MATN4: variants seen among roughly 807,000 people sequenced by gnomAD.
MATN4 encodes the protein matrilin 4, also known as matrilin-4.
In MATN4, 40 loss-of-function variants were observed where a neutral mutation model predicts 54.6. The observed-to-expected ratio is 0.73, with a 90% CI of 0.57 to 0.95. The LOEUF is 0.95. Ranked by LOEUF, MATN4 falls within the 40% of genes least tolerant of loss-of-function variation. The pLI is 0.00. For synonymous variants in MATN4, 351 were observed against 345.3 expected, an observed-to-expected ratio of 1.02 and a Z score of -0.18; for missense variants, 810 against 819.1, an observed-to-expected ratio of 0.99 and a Z score of 0.13.
chr20:45,295,626 A>G (rs1985765032), intron 8 of MATN4, among the ~76,000 whole-genome samples: 1 of 152,000 alleles, frequency 6.6e-6, no homozygotes, highest in African/African-American at 2.4e-5. Context: ...TGACCTTGTG[A>G]TCTGCCCACC....
chr20:45,301,732 C>T (rs1218639887), intron 3 of MATN4, among the ~76,000 whole-genome samples: 7 of 152,030 alleles, frequency 4.6e-5, no homozygotes, highest in African/African-American at 1.7e-4. Flanking sequence ...GAACTATTGC[C>T]CTGTTGAGCA....
intron 6 of MATN4, among the ~76,000 whole-genome samples, chr20:45,299,980 GGT>G (rs55652446): frequency 0.33 from 37,443 of 114,504 alleles, 4,842 homozygotes; most frequent in Admixed American, 0.4. Flanking sequence ...TGTGTGTAGG[GGT>G]GTGTGTGTGT....
rs148268361 is a variant in MATN4, at chr20:45,298,784, G to A, written c.1013-201C>T. On this transcript the variant is annotated intron_variant, in intron 6 of 9. Transcript: ENST00000372756. This position sits in a 1 kb window ranked among gnomAD's most constrained non-coding sequence, Gnocchi z 4.6. ...CACCATCATCATCACCCTCATCATC[G>A]CCCTTGACATTTATTCAGTGCTTAG... Among the ~76,000 whole-genome samples, 1,735 of 151,900 alleles carry A rather than the reference G, an allele frequency of 0.011. 26 individuals carry two copies. Among genetic ancestry groups the A allele is most frequent in the African/African-American group, 0.036 (1,474 of 41,376 alleles).
chr20:45,297,609 T>G (rs1350093590), intron 8 of MATN4, among the ~76,000 whole-genome samples: 1 of 152,168 alleles, frequency 6.6e-6, no homozygotes, highest in Non-Finnish European at 1.5e-5. Context: ...CTCCACTGAT[T>G]TGGGGGACAG....
chr20:45,305,600 A>G lies in MATN4; in HGVS notation c.-18T>C. 3.9e-6 allele frequency: 6 copies of G among 1,544,732 alleles called. No homozygotes were observed. Among genetic ancestry groups the G allele is most frequent in the Non-Finnish European group, 5.3e-6 (6 of 1,139,786 alleles). Reference sequence around the variant, plus strand: ...CCTCTCATGGCGCTTGGGGACAGAGAATGGAGGTGTCAGAGCCTGGAGGGA... The same window carrying G: ...CCTCTCATGGCGCTTGGGGACAGAGGATGGAGGTGTCAGAGCCTGGAGGGA... On this transcript the variant is annotated 5_prime_UTR_variant, in exon 2 of 10. Transcript: ENST00000372756.
At chr20:45,303,097 A>AAAAG (rs1207171220) in intron 3 of MATN4, among the ~76,000 whole-genome samples, 1,917 of 147,540 alleles carry the variant, frequency 0.013, 42 homozygotes, top group Middle Eastern at 0.038. Context: ...AAAAAAAAAA[A>AAAAG]AAAAAAAGAG....
intron 6 of MATN4, among the ~76,000 whole-genome samples, chr20:45,299,597 G>A (rs1986082770): frequency 6.6e-6 from 1 of 152,118 alleles, no homozygotes; most frequent in African/African-American, 2.4e-5. Context: ...GTCCTTGTAA[G>A]AGTCTGAAGA....
chr20:45,305,760 A>T lies in MATN4; in HGVS notation c.-34-144T>A, dbSNP rs558603960. The T allele has an allele frequency of 1.9e-4, 71 of 379,356 alleles. 1 individual carries two copies. The highest frequency in any genetic ancestry group is 1.4e-3 in the African/African-American group (63 of 46,420). The allele number at this position is 379,356 out of a possible 1,614,324, so 23.5% of individuals were successfully genotyped here. A position where few individuals can be genotyped will look rare whatever the true frequency, so the allele number is the denominator to read the frequency against. On this transcript the variant is annotated intron_variant, in intron 1 of 9. Transcript: ENST00000372756. The stretch of plus-strand genomic sequence containing the variant: ...TGTATGTTTGAAATGTTTCAGAATT[A>T]AAAAATTCTCATCACAGTGGGATTG...
Position 45,293,940 on chromosome 20 carries a change from G to C in MATN4, c.1655C>G (p.Thr552Arg), listed in dbSNP as rs1244038842. 1 of 1,601,908 alleles carries C rather than the reference G, an allele frequency of 6.2e-7. No homozygotes were observed. The highest frequency in any genetic ancestry group is 1.7e-5 in the Admixed American group (1 of 58,888). ...CESLVEFQGR[T>R]LGALESLTLN... is the part of the protein sequence containing the mutation. ...CGTCAGGCTCTCGAGCGCCCCCAGC[G>C]TGCGGCCCTGGAACTCCACGAGGCT... Residue 552 changes from threonine (T) to arginine (R), a missense_variant, in exon 9 of 10, where the codon ACG becomes AGG. Thr to Arg is a moderately conservative substitution (Grantham distance 71, BLOSUM62 -1). Coordinates refer to ENST00000372756, the MANE Select transcript of MATN4 (RefSeq NM_001393530.1).
At position 45,300,554 on chromosome 20, in the gene MATN4, A is replaced by T. The variant is rs191740629; in HGVS notation, c.1012+333T>A. On this transcript the variant is annotated intron_variant, in intron 6 of 9. Coordinates refer to ENST00000372756, the MANE Select transcript of MATN4 (RefSeq NM_001393530.1). ...GGTTGTAACCCAGTAATTTGATTTC[A>T]TTATTCATTAATGTGGTTCTGCTCA... Among the ~76,000 whole-genome samples, 19 of 151,722 alleles carry T rather than the reference A, an allele frequency of 1.3e-4. 1 individual carries two copies. The East Asian group carries it at 2.7e-3, about 22-fold the overall frequency.
At chr20:45,295,466 T>C (rs11086956) in intron 8 of MATN4, among the ~76,000 whole-genome samples, 75,209 of 152,010 alleles carry the variant, frequency 0.49, 19,234 homozygotes, top group African/African-American at 0.58. Context: ...TGGCTCACTG[T>C]AACCTCTGCC....
intron 8 of MATN4, among the ~76,000 whole-genome samples, chr20:45,296,066 T>A (rs1368720146): frequency 1.3e-5 from 2 of 150,954 alleles, no homozygotes; most frequent in African/African-American, 4.9e-5. Context: ...CTAGAAAAAA[T>A]TAGCCGGGCG....
rs1220304613 is a variant in MATN4 at position 45,293,556 on chromosome 20, C to G, written c.*211G>C. ...TGCCGGTCTAGCACGTGCCCCTTCC[C>G]TCACCACCCGCTATCCCCCTGACGC... On this transcript the variant is annotated 3_prime_UTR_variant, in exon 10 of 10. Transcript: ENST00000372756. 5 of 534,774 alleles carry G rather than the reference C, an allele frequency of 9.3e-6. No homozygotes were observed. The highest frequency in any genetic ancestry group is 1.6e-5 in the Non-Finnish European group (5 of 307,228). The allele number at this position is 534,774 out of a possible 1,614,324, so 33.1% of individuals were successfully genotyped here.
rs1986462748 is a variant in MATN4 at position 45,304,641 on chromosome 20, T to C, written c.230A>G (p.Gln77Arg). ...GACGCTCTGCACTTGACTCGAATAC[T>C]GGATCACGCCAACGCGCGTGGCGTT... ...GPNATRVGVI[Q>R]YSSQVQSVFP... The change falls in exon 3 of 10, where the codon CAG (glutamine) becomes CGG (arginine). Residue 77 changes from glutamine (Q) to arginine (R), a missense_variant. Coordinates refer to ENST00000372756, the MANE Select transcript of MATN4 (RefSeq NM_001393530.1). The C allele has an allele frequency of 1.2e-6, 2 of 1,610,394 alleles. No homozygotes were observed. Among genetic ancestry groups the C allele is most frequent in the Non-Finnish European group, 1.7e-6 (2 of 1,177,354 alleles).
rs1986427215 is a variant in MATN4 at position 45,304,334 on chromosome 20, GCCCACGTCCGCGCGCTGCACC to G, written c.516_536del (p.Val173_Gly179del). On this transcript the variant is annotated inframe_deletion, in exon 3 of 10. Transcript: ENST00000372756. ...GGGGCGATGCCATGGCGCGCAGGGAGCCCACGTCCGCGCGCTGCACCCCCACCGCGTAAATTTCAATGCCGC... is the reference window on the plus strand; with the variant it reads ...GGGGCGATGCCATGGCGCGCAGGGAGCCCACCGCGTAAATTTCAATGCCGC... 6.6e-7 allele frequency: 1 copy of G among 1,512,490 alleles called. No homozygotes were observed. The allele number at this position is 1,512,490 out of a possible 1,614,324, so 93.7% of individuals were successfully genotyped here.
Position 45,303,652 on chromosome 20 carries a change from C to T in MATN4, c.643+576G>A, listed in dbSNP as rs558469917. 44 of 596,542 alleles carry T rather than the reference C, an allele frequency of 7.4e-5. No individual in the cohort carries two copies. The Admixed American group carries it at 9.3e-4, about 13-fold the overall frequency. The allele number at this position is 596,542 out of a possible 1,614,324, so 37.0% of individuals were successfully genotyped here. ...AGGAAATGACTAATTTGAGAAGGGCCGTACCAAGTGAGAGGGCTTAGGGAA... is the reference window on the plus strand; with the variant it reads ...AGGAAATGACTAATTTGAGAAGGGCTGTACCAAGTGAGAGGGCTTAGGGAA... On this transcript the variant is annotated intron_variant, in intron 3 of 9. Transcript: ENST00000372756.
chr20:45,305,281 A>C (rs1433023599), intron 2 of MATN4, among the ~76,000 whole-genome samples: 1 of 152,086 alleles, frequency 6.6e-6, no homozygotes, highest in African/African-American at 2.4e-5. Context: ...TTTTCAAATA[A>C]TTTTTCCAAA....
At chr20:45,305,802 A>ATTTTTTTT (rs1050722306) in intron 1 of MATN4, among the ~76,000 whole-genome samples, 186 bp from the exon 2 acceptor site, 1 of 12,164 alleles carries the variant, frequency 8.2e-5, no homozygotes, top group African/African-American at 3.1e-4. Flanking sequence ...AACACAAGAG[A>ATTTTTTTT]TTCTTTTTTT....
rs111646973 is a variant in MATN4, at chr20:45,304,699, T to C, written c.172A>G (p.Met58Val). ...FEFETMRQFL[M>V]GLLRGLNVGP... ...ACGTTCAGGCCTCGGAGGAGGCCCA[T>C]GAGGAACTGCCGCATGGTCTCGAAC... Residue 58 changes from methionine (M) to valine (V), a missense_variant, in exon 3 of 10, where the codon ATG (methionine) becomes GTG (valine). Physicochemically the swap from Met to Val is conservative, Grantham distance 21. Transcript: ENST00000372756. 132 of 1,612,718 alleles carry C rather than the reference T, an allele frequency of 8.2e-5. No homozygotes were observed. In the African/African-American group the frequency reaches 1.3e-3, roughly 16 times the overall value.
Sources: allele counts gnomAD v4.1 joint callset (sites outside exome capture counted in the v4.1 genomes callset), GRCh38; gene constraint gnomAD v4.1.1; non-coding constraint Gnocchi (gnomAD v3.1); transcripts MANE v1.5; gene names NCBI Gene and HGNC (gene_info 2026-07-23, HGNC 2026-07-21).